The following ABCD2 variants were observed in gnomAD, a reference collection of about 807,000 sequenced individuals.
ABCD2 encodes the protein ATP binding cassette subfamily D member 2, also known as ATP-binding cassette sub-family D member 2.
Under a neutral mutation model 70.9 loss-of-function variants are expected in ABCD2, and 36 were observed. That is an observed-to-expected ratio of 0.51 (90% CI 0.39 to 0.67). The LOEUF (loss-of-function observed/expected upper bound fraction) is 0.67, where lower values mean the gene tolerates loss of function less well. ABCD2 is among the 30% of genes least tolerant of loss of function. The pLI is 0.00. For synonymous variants in ABCD2, 304 were observed against 306.9 expected (o/e 0.99, Z 0.10); for missense variants, 729 against 890.2 (o/e 0.82, Z 2.30).
At chr12:39,569,892 C>G (rs2120582229) in intron 9 of ABCD2, among the ~76,000 whole-genome samples, 1 of 152,158 alleles carries the variant, frequency 6.6e-6, no homozygotes, top group East Asian at 1.9e-4. Flanking sequence ...AGGAAAGTTG[C>G]AAGATACAAA....
the ABCD2 span, among the ~76,000 whole-genome samples, chr12:39,543,690 C>T: frequency 2.6e-5 from 4 of 152,226 alleles, no homozygotes; most frequent in South Asian, 2.1e-4. Context: ...TGCCATCTGA[C>T]GTTTGGAACC....
the ABCD2 span, among the ~76,000 whole-genome samples, chr12:39,531,459 G>C: frequency 1.3e-5 from 2 of 152,284 alleles, no homozygotes; most frequent in South Asian, 4.1e-4. Flanking sequence ...AGGAGGAGCA[G>C]TTTATTTTGC....
intron 9 of ABCD2, among the ~76,000 whole-genome samples, chr12:39,560,267 T>A (rs1298949458): frequency 6.6e-6 from 1 of 152,190 alleles, no homozygotes; most frequent in Non-Finnish European, 1.5e-5. Flanking sequence ...GGTGTTTGGT[T>A]TTTTGTCCTT....
intron 5 of ABCD2, among the ~76,000 whole-genome samples, chr12:39,601,388 AAT>A (rs543832748): frequency 0.013 from 1,965 of 150,740 alleles, 50 homozygotes; most frequent in African/African-American, 0.044. Flanking sequence ...ATATGTGAAT[AAT>A]ATATATATAT....
rs1381952785 is a variant in ABCD2, at chr12:39,551,885, A to G, written c.*2027T>C. Reference sequence around the variant, plus strand: ...AAATTAAGGCATGAAAATTATACACATCTTTCACATGAGGATTTTTCATTT... The same window carrying G: ...AAATTAAGGCATGAAAATTATACACGTCTTTCACATGAGGATTTTTCATTT... On this transcript the variant is annotated 3_prime_UTR_variant, in exon 10 of 10. Transcript: ENST00000308666. 1 of 151,858 alleles carries G rather than the reference A, an allele frequency of 6.6e-6. No homozygotes were observed. The highest frequency in any genetic ancestry group is 2.4e-5 in the African/African-American group (1 of 41,440). The allele number at this position is 151,858 out of a possible 1,614,324, so 9.4% of individuals were successfully genotyped here.
At chr12:39,588,486 G>A (rs1220945175) in intron 6 of ABCD2, among the ~76,000 whole-genome samples, 1 of 152,134 alleles carries the variant, frequency 6.6e-6, no homozygotes, top group Admixed American at 6.6e-5. Flanking sequence ...AGTTACTGCC[G>A]CCACAAACGA....
chr12:39,543,731 T>G, the ABCD2 span, among the ~76,000 whole-genome samples: 44 of 152,372 alleles, frequency 2.9e-4, no homozygotes, highest in African/African-American at 1.0e-3. Flanking sequence ...GCAATTTTAT[T>G]ATTGGCATGT....
In ABCD2 at chr12:39,586,095, C is replaced by A. The variant is rs1305910650; in HGVS notation, c.1792+57G>T. On this transcript the variant is annotated intron_variant, in intron 7 of 9. Transcript: ENST00000308666. ...TTAAACCACAGACTAAATATATACC[C>A]AAGCTTACTTTTTAAAAGTGAAGTT... 2.0e-6 allele frequency: 3 copies of A among 1,492,234 alleles called. No homozygotes were observed. The African/African-American group carries it at 4.2e-5, about 21-fold the overall frequency. The allele number at this position is 1,492,234 out of a possible 1,614,324, so 92.4% of individuals were successfully genotyped here.
At chr12:39,577,874 T>C (rs1260359362) in intron 8 of ABCD2, among the ~76,000 whole-genome samples, 2 of 152,150 alleles carry the variant, frequency 1.3e-5, no homozygotes, top group Non-Finnish European at 2.9e-5. Context: ...GTTAAATCAG[T>C]GTAATGAGAA....
chr12:39,533,680 C>T, the ABCD2 span, among the ~76,000 whole-genome samples: 3 of 152,144 alleles, frequency 2.0e-5, no homozygotes, highest in African/African-American at 7.2e-5. Flanking sequence ...TTAAAAATTA[C>T]TTTAGAATGT....
At chr12:39,543,548 C>A in the ABCD2 span, among the ~76,000 whole-genome samples, 4 of 152,140 alleles carry the variant, frequency 2.6e-5, no homozygotes, top group Non-Finnish European at 5.9e-5. Context: ...ACTGGAGAAA[C>A]GGAATTGAGA....
At chr12:39,557,490 T>A (rs1410002917) in intron 9 of ABCD2, among the ~76,000 whole-genome samples, 3 of 152,214 alleles carry the variant, frequency 2.0e-5, no homozygotes, top group Non-Finnish European at 4.4e-5. Context: ...AAACCCCTTT[T>A]CTTGGGAGAA....
the ABCD2 span, among the ~76,000 whole-genome samples, chr12:39,535,998 C>T: frequency 7.2e-5 from 11 of 151,920 alleles, no homozygotes; most frequent in African/African-American, 2.4e-4. Flanking sequence ...AAAAATTAGC[C>T]GGAAATCACT....
downstream of ABCD2, among the ~76,000 whole-genome samples, chr12:39,545,207 A>ATTATT (rs1477688708): frequency 6.6e-6 from 1 of 152,198 alleles, no homozygotes; most frequent in Non-Finnish European, 1.5e-5. Context: ...AGCAAGAGTA[A>ATTATT]TTATTTTTCA....
chr12:39,557,031 G>T (rs1050838344), intron 9 of ABCD2, among the ~76,000 whole-genome samples: 2 of 151,972 alleles, frequency 1.3e-5, no homozygotes, highest in African/African-American at 4.8e-5. Context: ...CTTTGGAACT[G>T]GGTAACAGGC....
At chr12:39,602,020 CT>C (rs1941904759) in intron 5 of ABCD2, among the ~76,000 whole-genome samples, 2 of 151,714 alleles carry the variant, frequency 1.3e-5, no homozygotes, top group African/African-American at 4.8e-5. Flanking sequence ...TGGAGACTTT[CT>C]ACATTAATAT....
At chr12:39,606,988 G>A (rs1286041781) in intron 3 of ABCD2, among the ~76,000 whole-genome samples, 1 of 151,988 alleles carries the variant, frequency 6.6e-6, no homozygotes, top group African/African-American at 2.4e-5. Context: ...GCTATAATGT[G>A]GTAAAACATC....
intron 9 of ABCD2, among the ~76,000 whole-genome samples, chr12:39,556,852 C>T (rs547617731): frequency 8.6e-4 from 130 of 152,016 alleles, no homozygotes; most frequent in East Asian, 2.1e-3. Flanking sequence ...GGCGTGAAGG[C>T]GGGTGCCTGT....
chr12:39,568,194 T>A (rs1006130509), intron 9 of ABCD2, among the ~76,000 whole-genome samples: 15 of 152,194 alleles, frequency 9.9e-5, no homozygotes, highest in Non-Finnish European at 2.1e-4. Flanking sequence ...TTGGGGAAGT[T>A]CTCCTGGATA....
Sources: gnomAD v4.1 joint callset for allele counts (sites outside exome capture counted in the v4.1 genomes callset) on GRCh38, gnomAD v4.1.1 for gene constraint, MANE v1.5 for transcripts, NCBI Gene and HGNC (gene_info 2026-07-23, HGNC 2026-07-21) for gene names.